Variants in AMN1 observed in about 807,000 individuals in gnomAD.
The protein encoded by AMN1 is antagonist of mitotic exit network 1 homolog, also known as protein AMN1 homolog.
A neutral mutation model predicts 33.0 loss-of-function variants in AMN1; 20 were observed. The observed-to-expected ratio is 0.61, with a 90% CI of 0.43 to 0.88. The LOEUF (loss-of-function observed/expected upper bound fraction) is 0.88, where lower values mean the gene tolerates loss of function less well. Among genes scored for constraint, AMN1 ranks in the 40% least tolerant of loss-of-function variants. The pLI is 0.00. For synonymous variants in AMN1, 114 were observed against 111.9 expected (o/e 1.02, Z -0.12); for missense variants, 246 against 307.4 (o/e 0.80, Z 1.49).
intron 3 of AMN1, among the ~76,000 whole-genome samples, chr12:31,700,116 A>G (rs182957149): frequency 5.9e-5 from 9 of 151,848 alleles, no homozygotes; most frequent in South Asian, 2.1e-4. Context: ...GTTTTCCAGA[A>G]TTCTAAGAGG....
intron 1 of AMN1, among the ~76,000 whole-genome samples, chr12:31,713,705 GT>G (rs1439182143): frequency 1.3e-5 from 2 of 152,126 alleles, no homozygotes; most frequent in Non-Finnish European, 2.9e-5. Context: ...GCTGGGTGTA[GT>G]GGCATTCACT....
intron 6 of AMN1, chr12:31,672,596 A>T (rs1951303619): frequency 2.1e-5 from 5 of 232,858 alleles, no homozygotes; most frequent in East Asian, 8.2e-5. Context: ...TTACTTGTTT[A>T]AAAAAAAAAA....
intron 1 of AMN1, among the ~76,000 whole-genome samples, chr12:31,726,741 G>C (rs1162004082): frequency 6.6e-6 from 1 of 152,200 alleles, no homozygotes; most frequent in East Asian, 1.9e-4. Context: ...GCCAGTCTCA[G>C]ACTGTACCTT....
intron 1 of AMN1, among the ~76,000 whole-genome samples, chr12:31,727,668 T>C (rs1940131361): frequency 6.6e-6 from 1 of 152,222 alleles, no homozygotes; most frequent in African/African-American, 2.4e-5. Context: ...TTCTTTTCCT[T>C]ATTAGAAATT....
intron 6 of AMN1, 63 bp from the exon 7 acceptor site, chr12:31,672,440 G>GAGGAA: frequency 1.7e-6 from 2 of 1,149,238 alleles, no homozygotes; most frequent in Non-Finnish European, 2.6e-6. Context: ...GTTTCCTCAT[G>GAGGAA]TCTAACTGGA....
chr12:31,707,887 A>G (rs1463489629), intron 2 of AMN1, among the ~76,000 whole-genome samples: 1 of 152,226 alleles, frequency 6.6e-6, no homozygotes, highest in African/African-American at 2.4e-5. Context: ...TGAAGATTTC[A>G]TGGACATTTA....
chr12:31,702,408 A>G (rs1939046741), intron 2 of AMN1, among the ~76,000 whole-genome samples: 1 of 152,222 alleles, frequency 6.6e-6, no homozygotes, highest in South Asian at 2.1e-4. Flanking sequence ...AAGTGCTTAC[A>G]GAGCACTAGT....
chr12:31,698,982 C>G (rs1354248017), intron 3 of AMN1, among the ~76,000 whole-genome samples: 1 of 151,962 alleles, frequency 6.6e-6, no homozygotes, highest in Non-Finnish European at 1.5e-5. Context: ...AGGTTGGGGC[C>G]TGTCTCCAGA....
chr12:31,692,469 G>C (rs558811940), intron 5 of AMN1, among the ~76,000 whole-genome samples: 1 of 147,590 alleles, frequency 6.8e-6, no homozygotes, highest in Non-Finnish European at 1.5e-5. Context: ...AAAAACAAAC[G>C]AAAAAAAACA....
chr12:31,708,699 C>A, intron 2 of AMN1: 1 of 168,234 alleles, frequency 5.9e-6, no homozygotes, highest in Non-Finnish European at 1.3e-5. Flanking sequence ...GTGATGTCAC[C>A]CCCGGCGGCC....
chr12:31,707,976 T>A lies in AMN1; in HGVS notation c.171+1317A>T, dbSNP rs115099077. 8.3e-3 allele frequency among the ~76,000 whole-genome samples: 1,270 copies of A among 152,332 alleles called. 19 individuals are homozygous for A. Among genetic ancestry groups the A allele is most frequent in the African/African-American group, 0.029 (1,198 of 41,572 alleles). On this transcript the variant is annotated intron_variant, in intron 2 of 6. Transcript: ENST00000281471. ...TCTTAATCCTATTATCTTCATAAAC[T>A]GAGGATGTACGTCACCTCTGGACCA...
chr12:31,707,670 C>A (rs1939299020), intron 2 of AMN1, among the ~76,000 whole-genome samples: 2 of 152,138 alleles, frequency 1.3e-5, no homozygotes, highest in Non-Finnish European at 2.9e-5. Flanking sequence ...ATTTCAGATG[C>A]CTCTGGAATC....
In AMN1 at chr12:31,676,569, G is replaced by T. The variant is rs572157450; in HGVS notation, c.704-4192C>A. ...GATCTCCTGACCTCGTGATCTGCCC[G>T]CCTTGGCCTCCCAAAGTGCTGCAAT... On this transcript the variant is annotated intron_variant, in intron 6 of 6. Transcript: ENST00000281471. Among the ~76,000 whole-genome samples, 463 of 150,418 alleles carry T rather than the reference G, an allele frequency of 3.1e-3. 2 individuals are homozygous for T. The highest frequency in any genetic ancestry group is 5.1e-3 in the Non-Finnish European group (344 of 67,764).
intron 4 of AMN1, 132 bp downstream of exon 4, chr12:31,697,608 C>A: frequency 9.0e-7 from 1 of 1,106,202 alleles, no homozygotes; most frequent in South Asian, 1.5e-5. Context: ...AATTACTTAA[C>A]CACAAAAAGC....
chr12:31,710,922 T>C (rs1227096132), intron 1 of AMN1, among the ~76,000 whole-genome samples: 1 of 152,172 alleles, frequency 6.6e-6, no homozygotes, highest in Non-Finnish European at 1.5e-5. Flanking sequence ...AGTTTATTTA[T>C]TTTTTGAGAC....
chr12:31,697,342 A>T lies in AMN1; in HGVS notation c.591+19T>A, dbSNP rs1416886159. 6.2e-7 allele frequency: 1 copy of T among 1,603,680 alleles called. No homozygotes were observed. Among genetic ancestry groups the T allele is most frequent in the African/African-American group, 1.3e-5 (1 of 74,740 alleles). On this transcript the variant is annotated intron_variant, in intron 5 of 6. Transcript: ENST00000281471. ...TAAAAATTTAATCACCACCATCTTT[A>T]TAATTGTTTTAAAATTACCTCTAAT...
chr12:31,693,375 C>T (rs769859162), intron 5 of AMN1, among the ~76,000 whole-genome samples: 6 of 151,910 alleles, frequency 3.9e-5, no homozygotes, highest in Non-Finnish European at 8.8e-5. Flanking sequence ...TACAGGCATG[C>T]ACCACCATGC....
chr12:31,718,569 T>C (rs938989270), intron 1 of AMN1, among the ~76,000 whole-genome samples: 3 of 152,214 alleles, frequency 2.0e-5, no homozygotes, highest in East Asian at 1.9e-4. Flanking sequence ...TGGTCTTTGA[T>C]GTTGGTGACC....
At position 31,689,936 on chromosome 12, in the gene AMN1, A is replaced by G. The variant is rs60374609; in HGVS notation, c.592-818T>C. Among the ~76,000 whole-genome samples, 1,269 of 152,190 alleles carry G rather than the reference A, an allele frequency of 8.3e-3. 17 individuals carry two copies. Among genetic ancestry groups the G allele is most frequent in the African/African-American group, 0.029 (1,197 of 41,544 alleles). On this transcript the variant is annotated intron_variant, in intron 5 of 6. Coordinates refer to ENST00000281471, the MANE Select transcript of AMN1 (RefSeq NM_001113402.2). Reference sequence around the variant, plus strand: ...CCCACCCTTTCCCCCTGAGTCCCCAAAGTCCATTATGTCATTCTTATGCAT... The same window carrying G: ...CCCACCCTTTCCCCCTGAGTCCCCAGAGTCCATTATGTCATTCTTATGCAT...
Sources: gnomAD v4.1 joint callset for allele counts (sites outside exome capture counted in the v4.1 genomes callset) on GRCh38, gnomAD v4.1.1 for gene constraint, MANE v1.5 for transcripts, NCBI Gene and HGNC (gene_info 2026-07-23, HGNC 2026-07-21) for gene names.